STK24: variants seen among roughly 807,000 people sequenced by gnomAD.
STK24 encodes serine/threonine kinase 24.
A neutral mutation model predicts 55.6 loss-of-function variants in STK24; 21 were observed. The ratio of observed to expected loss-of-function variants is 0.38; its 90% CI spans 0.27 to 0.54. The LOEUF (loss-of-function observed/expected upper bound fraction) is 0.54, where lower values mean the gene tolerates loss of function less well. Ranked by LOEUF, STK24 falls within the 20% of genes least tolerant of loss-of-function variation. STK24 has a pLI of 0.79. For missense variants in STK24, 383 were observed against 538.4 expected, an observed-to-expected ratio of 0.71 and a Z score of 2.86; for synonymous variants, 200 against 215.2, an observed-to-expected ratio of 0.93 and a Z score of 0.62.
chr13:98,479,924 G>A (rs76886499), intron 3 of STK24, among the ~76,000 whole-genome samples: 1,635 of 152,316 alleles, frequency 0.011, 28 homozygotes, highest in African/African-American at 0.036. Context: ...GCGGGGTCAA[G>A]GGAGGCCACA....
chr13:98,574,137 G>A (rs930484410), intron 1 of STK24, among the ~76,000 whole-genome samples: 3 of 152,004 alleles, frequency 2.0e-5, no homozygotes, highest in Admixed American at 6.6e-5. Flanking sequence ...TCAGCCTCCC[G>A]AGTAGCTGGG....
intron 1 of STK24, among the ~76,000 whole-genome samples, chr13:98,536,073 T>C (rs1049251152): frequency 2.6e-5 from 4 of 152,210 alleles, no homozygotes; most frequent in African/African-American, 9.6e-5. Context: ...AAGGGGAAAT[T>C]CCTGGAATGG....
intron 2 of STK24, among the ~76,000 whole-genome samples, chr13:98,499,983 T>A (rs1895389863): frequency 6.6e-6 from 1 of 152,210 alleles, no homozygotes; most frequent in Non-Finnish European, 1.5e-5. Context: ...GATTTTAACC[T>A]ACTGCAGGGT....
At chr13:98,560,918 A>G (rs933550263) in intron 1 of STK24, among the ~76,000 whole-genome samples, 1 of 147,554 alleles carries the variant, frequency 6.8e-6, no homozygotes, top group Middle Eastern at 3.5e-3. Flanking sequence ...AAAAAAAAAA[A>G]CCATAATTCA....
intron 1 of STK24, among the ~76,000 whole-genome samples, chr13:98,553,999 C>T (rs765013621): frequency 4.9e-4 from 74 of 150,314 alleles, no homozygotes; most frequent in Non-Finnish European, 5.9e-4. Context: ...GAGGTGGAGG[C>T]TGCAGTGAGC....
Position 98,475,344 on chromosome 13 carries a change from T to G in STK24, c.345A>C (p.Pro115=). 3 of 1,610,534 alleles carry G rather than the reference T, an allele frequency of 1.9e-6. No homozygotes were observed. Among genetic ancestry groups the G allele is most frequent in the Non-Finnish European group, 2.5e-6 (3 of 1,178,710 alleles). The change falls in exon 4 of 11, where the codon CCA becomes CCC. Residue 115 remains proline (P), a synonymous_variant. Coordinates refer to ENST00000539966, the MANE Select transcript of STK24 (RefSeq NM_001032296.4). ...GSALDLLEPG[P]LDETQIATIL... ...TAGTAGCGATCTGGGTTTCATCTAA[T>G]GGGCCAGGTTCTAACTAAGAAGAGA...
Position 98,446,494 on chromosome 13 carries a change from C to T in STK24, c.*6679G>A. 1 of 669,230 alleles carries T rather than the reference C, an allele frequency of 1.5e-6. No homozygotes were observed. The highest frequency in any genetic ancestry group is 1.9e-5 in the South Asian group (1 of 53,552). The allele number at this position is 669,230 out of a possible 1,614,324, so 41.5% of individuals were successfully genotyped here. ...ACAGCTCAGTCCTGGCGGGACTTGC[C>T]ACCCGGGCCATCACGTACAGGCAAA... is the stretch of plus-strand genomic sequence containing the variant. On this transcript the variant is annotated 3_prime_UTR_variant, in exon 11 of 11. Coordinates refer to ENST00000539966, the MANE Select transcript of STK24 (RefSeq NM_001032296.4).
intron 1 of STK24, among the ~76,000 whole-genome samples, chr13:98,543,569 C>A (rs1487836142): frequency 6.6e-6 from 1 of 152,166 alleles, no homozygotes; most frequent in African/African-American, 2.4e-5. Context: ...TGGGCGCGGA[C>A]CCGAAGACGC....
At chr13:98,565,360 G>A (rs112751921) in intron 1 of STK24, among the ~76,000 whole-genome samples, 3 of 152,202 alleles carry the variant, frequency 2.0e-5, no homozygotes, top group African/African-American at 4.8e-5. Context: ...GGGCGCGGTG[G>A]CTCACACCTG....
chr13:98,556,843 G>T (rs537567081), intron 1 of STK24, among the ~76,000 whole-genome samples: 2 of 152,236 alleles, frequency 1.3e-5, no homozygotes, highest in Non-Finnish European at 2.9e-5. Context: ...AACTGGACAA[G>T]AGATGCAGGG....
At chr13:98,535,538 G>A (rs9554478) in intron 1 of STK24, among the ~76,000 whole-genome samples, 37,674 of 151,870 alleles carry the variant, frequency 0.25, 5,833 homozygotes, top group East Asian at 0.42. Flanking sequence ...AACATACCCA[G>A]TGTACAAATA....
Position 98,453,144 on chromosome 13 carries a change from AAAAC to A in STK24, c.*25_*28del, listed in dbSNP as rs757607147. 8 of 1,613,346 alleles carry A rather than the reference AAAAC, an allele frequency of 5.0e-6. No homozygotes were observed. Among genetic ancestry groups the A allele is most frequent in the Non-Finnish European group, 6.8e-6 (8 of 1,179,692 alleles). ...AGGAGGATGAAGAAGGAAAAAAGGA[AAAAC>A]AAAACCCCAAATGCCAAAGGAATTT... On this transcript the variant is annotated 3_prime_UTR_variant, in exon 11 of 11. Coordinates refer to ENST00000539966, the MANE Select transcript of STK24 (RefSeq NM_001032296.4).
Position 98,448,271 on chromosome 13 carries a change from C to G in STK24, c.*4902G>C. On this transcript the variant is annotated 3_prime_UTR_variant, in exon 11 of 11. Transcript: ENST00000539966. ...GTGATCCGCAGTGCCACCAGCTCTGCCTCGCGACCCCACGTGTTGAGTCAC... is the reference window on the plus strand; with the variant it reads ...GTGATCCGCAGTGCCACCAGCTCTGGCTCGCGACCCCACGTGTTGAGTCAC... 1 of 1,614,134 alleles carries G rather than the reference C, an allele frequency of 6.2e-7. No individual in the cohort carries two copies.
At position 98,523,110 on chromosome 13, in the gene STK24, C is replaced by T. The variant is rs114636232; in HGVS notation, c.43-3637G>A. Among the ~76,000 whole-genome samples the T allele has an allele frequency of 8.0e-3, 1,214 of 152,232 alleles. 25 individuals carry two copies. Among genetic ancestry groups the T allele is most frequent in the African/African-American group, 0.028 (1,179 of 41,548 alleles). On this transcript the variant is annotated intron_variant, in intron 1 of 10. Transcript: ENST00000539966. The stretch of plus-strand genomic sequence containing the variant: ...GGGGTGGGCCCAAGAATTGGAATCC[C>T]GGGGTGAGGGAGATGCTGCTGGTCC...
intron 1 of STK24, among the ~76,000 whole-genome samples, chr13:98,569,840 GCC>G (rs1897692613): frequency 1.0e-5 from 1 of 99,880 alleles, no homozygotes; most frequent in African/African-American, 3.8e-5. Flanking sequence ...TATAGACAAT[GCC>G]TGAAACCAGG....
At chr13:98,512,107 C>T (rs1319250971) in intron 2 of STK24, among the ~76,000 whole-genome samples, 1 of 151,988 alleles carries the variant, frequency 6.6e-6, no homozygotes, top group Non-Finnish European at 1.5e-5. Context: ...AGGCTGGTTT[C>T]GAACTTCTGA....
intron 9 of STK24, among the ~76,000 whole-genome samples, chr13:98,459,794 G>T (rs1244234091): frequency 6.6e-6 from 1 of 152,236 alleles, no homozygotes; most frequent in Admixed American, 6.5e-5. Context: ...TTTCAAATCC[G>T]CTACTAACCA....
intron 2 of STK24, among the ~76,000 whole-genome samples, chr13:98,492,681 A>AG (rs1895086407): frequency 6.6e-6 from 1 of 152,336 alleles, no homozygotes; most frequent in African/African-American, 2.4e-5. Context: ...CTGGTCAAGA[A>AG]GGGAGGATCC....
At chr13:98,506,201 C>T (rs1895674066) in intron 2 of STK24, among the ~76,000 whole-genome samples, 1 of 152,238 alleles carries the variant, frequency 6.6e-6, no homozygotes, top group African/African-American at 2.4e-5. Flanking sequence ...CCAAACACAT[C>T]AGTCAATTCT....
Sources: allele counts gnomAD v4.1 joint callset (sites outside exome capture counted in the v4.1 genomes callset), GRCh38; gene constraint gnomAD v4.1.1; transcripts MANE v1.5; gene names NCBI Gene and HGNC (gene_info 2026-07-23, HGNC 2026-07-21).